Variants in GRM5 observed in about 807,000 individuals in gnomAD.
GRM5 encodes glutamate metabotropic receptor 5.
GRM5 carries 19 observed loss-of-function variants against 83.1 expected under a neutral mutation model. The observed-to-expected ratio is 0.23, with a 90% CI of 0.16 to 0.34. The LOEUF (loss-of-function observed/expected upper bound fraction) is 0.34. Among genes scored for constraint, GRM5 ranks in the 10% least tolerant of loss-of-function variants. The pLI is 1.00. For synonymous variants in GRM5, 675 were observed against 633.6 expected (o/e 1.07, Z -0.98); for missense variants, 1,160 against 1,588.3 (o/e 0.73, Z 4.58).
rs202237722 is a variant in GRM5 at position 88,848,335 on chromosome 11, G to A, written c.911+1571C>T. 4.3e-3 allele frequency among the ~76,000 whole-genome samples: 659 copies of A among 152,204 alleles called. 16 individuals are homozygous for A. The East Asian group carries it at 0.071, about 16-fold the overall frequency. On this transcript the variant is annotated intron_variant, in intron 3 of 9. Transcript: ENST00000305447. ...CCCATCAATCTATTGCCATCAGATC[G>A]GACAGAAAAGAATTGGGTACATAAA...
At chr11:88,884,400 C>T (rs1171069414) in intron 2 of GRM5, among the ~76,000 whole-genome samples, 1 of 152,266 alleles carries the variant, frequency 6.6e-6, no homozygotes, top group Admixed American at 6.5e-5. Flanking sequence ...CCCACTGTGT[C>T]TAGGAAGTAA....
At chr11:88,827,293 C>A (rs368346706) in intron 3 of GRM5, among the ~76,000 whole-genome samples, 1 of 152,208 alleles carries the variant, frequency 6.6e-6, no homozygotes, top group Non-Finnish European at 1.5e-5. Flanking sequence ...AGCAATGTTA[C>A]ATTTTCCTCC....
rs187000295 is a variant in GRM5 at position 88,882,091 on chromosome 11, A to G, written c.662-31936T>C. Among the ~76,000 whole-genome samples the G allele has an allele frequency of 6.0e-4, 91 of 151,874 alleles. No individual in the cohort carries two copies. The East Asian group carries it at 0.015, about 25-fold the overall frequency. On this transcript the variant is annotated intron_variant, in intron 2 of 9. Transcript: ENST00000305447. Reference sequence around the variant, plus strand: ...ACCCCATCTCTACTAAATATACACAATTAGCTGGGTGGGGTAGCATCTGTA... The same window carrying G: ...ACCCCATCTCTACTAAATATACACAGTTAGCTGGGTGGGGTAGCATCTGTA...
At chr11:88,550,598 T>C (rs1035860820) in intron 8 of GRM5, among the ~76,000 whole-genome samples, 1 of 152,124 alleles carries the variant, frequency 6.6e-6, no homozygotes, top group East Asian at 1.9e-4. Flanking sequence ...TGGATTATAA[T>C]ACAGATGAGT....
chr11:89,013,876 TA>T (rs1940776075), intron 2 of GRM5, among the ~76,000 whole-genome samples: 1 of 152,208 alleles, frequency 6.6e-6, no homozygotes, highest in African/African-American at 2.4e-5. Flanking sequence ...GCTCATTGAC[TA>T]GAAGTGAATC....
chr11:88,823,539 A>C (rs1565248197), intron 3 of GRM5, among the ~76,000 whole-genome samples: 1 of 148,944 alleles, frequency 6.7e-6, no homozygotes, highest in Non-Finnish European at 1.5e-5. Flanking sequence ...AAAAAAAAAG[A>C]CTAGAGACTG....
intron 9 of GRM5, among the ~76,000 whole-genome samples, chr11:88,524,214 C>CTTTTTTTTTTTTTTTTTTTTTTTTTT (rs71470770): frequency 7.9e-5 from 8 of 101,410 alleles, no homozygotes; most frequent in East Asian, 2.7e-4. Context: ...TTCTTTCTTT[C>CTTTTTTTTTTTTTTTTTTTTTTTTTT]TTTTTTTTTT....
chr11:88,566,976 T>A lies in GRM5; in HGVS notation c.2630+77A>T, dbSNP rs895279237. 7.4e-6 allele frequency: 7 copies of A among 943,790 alleles called. No homozygotes were observed. The African/African-American group carries it at 1.2e-4, about 16-fold the overall frequency. 58.5% of individuals were successfully genotyped at this position (943,790 alleles called of 1,614,324 possible). On this transcript the variant is annotated intron_variant, in intron 8 of 9. Transcript: ENST00000305447. Reference sequence around the variant, plus strand: ...GTTTCATTTACCCAGATTTCTCCCATTTAAAAGACCCAGGAAACACATGCC... The same window carrying A: ...GTTTCATTTACCCAGATTTCTCCCAATTAAAAGACCCAGGAAACACATGCC...
chr11:88,634,826 C>A (rs1939074365), intron 4 of GRM5, among the ~76,000 whole-genome samples: 3 of 152,102 alleles, frequency 2.0e-5, no homozygotes. Context: ...ATTGGCAGTG[C>A]ACAGGGTTTA....
chr11:88,733,913 CT>C (rs1941857954), intron 3 of GRM5, among the ~76,000 whole-genome samples: 1 of 151,820 alleles, frequency 6.6e-6, no homozygotes, highest in Non-Finnish European at 1.5e-5. Flanking sequence ...CCACCCTTAC[CT>C]TAGAGGTTTC....
intron 2 of GRM5, among the ~76,000 whole-genome samples, chr11:88,972,545 T>C (rs1386067348): frequency 6.6e-6 from 1 of 152,114 alleles, no homozygotes; most frequent in East Asian, 1.9e-4. Flanking sequence ...AAATTGGGGG[T>C]GGTGCTGGAA....
Position 88,913,095 on chromosome 11 carries a change from C to T in GRM5, c.662-62940G>A, listed in dbSNP as rs546020928. On this transcript the variant is annotated intron_variant, in intron 2 of 9. Coordinates refer to ENST00000305447, the MANE Select transcript of GRM5 (RefSeq NM_001143831.3). ...TATGCATAATCCTTAAATCATCTATCCTCAAGCTTAATAACCCCAGTTCCT... is the reference window on the plus strand; with the variant it reads ...TATGCATAATCCTTAAATCATCTATTCTCAAGCTTAATAACCCCAGTTCCT... 2.3e-3 allele frequency among the ~76,000 whole-genome samples: 346 copies of T among 152,318 alleles called. 2 individuals are homozygous for T. The highest frequency in any genetic ancestry group is 2.6e-3 in the Non-Finnish European group (178 of 68,022).
At chr11:88,983,377 T>C (rs1939589484) in intron 2 of GRM5, among the ~76,000 whole-genome samples, 1 of 152,348 alleles carries the variant, frequency 6.6e-6, no homozygotes, top group East Asian at 1.9e-4. Context: ...GCACCACCTA[T>C]TGCCAGAATG....
At chr11:88,999,040 G>A (rs1431468802) in intron 2 of GRM5, among the ~76,000 whole-genome samples, 1 of 152,110 alleles carries the variant, frequency 6.6e-6, no homozygotes, top group Non-Finnish European at 1.5e-5. Flanking sequence ...GCCATATGTA[G>A]AAAGCTGAAA....
At chr11:88,836,677 C>T (rs1304152922) in intron 3 of GRM5, among the ~76,000 whole-genome samples, 4 of 152,032 alleles carry the variant, frequency 2.6e-5, no homozygotes, top group African/African-American at 4.8e-5. Context: ...TGTCTGTAAT[C>T]ACAGCTACTT....
intron 9 of GRM5, among the ~76,000 whole-genome samples, chr11:88,513,884 A>C (rs1239102218): frequency 6.6e-6 from 1 of 152,136 alleles, no homozygotes. Flanking sequence ...TTAACATTAA[A>C]CCTTCTATTC....
intron 2 of GRM5, among the ~76,000 whole-genome samples, chr11:88,897,876 T>C (rs1295156252): frequency 1.3e-5 from 2 of 151,964 alleles, no homozygotes; most frequent in Non-Finnish European, 2.9e-5. Context: ...GGAGAAAACA[T>C]GTAAGCTTTG....
At chr11:88,793,773 G>A (rs1468543232) in intron 3 of GRM5, among the ~76,000 whole-genome samples, 1 of 152,152 alleles carries the variant, frequency 6.6e-6, no homozygotes, top group Non-Finnish European at 1.5e-5. Context: ...TCTGAAAGAA[G>A]CAGGGATAGG....
At chr11:88,640,260 G>A (rs1039473696) in intron 4 of GRM5, among the ~76,000 whole-genome samples, 2 of 152,126 alleles carry the variant, frequency 1.3e-5, no homozygotes, top group East Asian at 1.9e-4. Context: ...CTAGTATCAT[G>A]TGATCAAAAT....
Sources: gnomAD v4.1 joint callset for allele counts (sites outside exome capture counted in the v4.1 genomes callset) on GRCh38, gnomAD v4.1.1 for gene constraint, MANE v1.5 for transcripts, NCBI Gene and HGNC (gene_info 2026-07-23, HGNC 2026-07-21) for gene names.